Variants in SLC24A2 observed in about 807,000 individuals in gnomAD.
SLC24A2 encodes sodium/potassium/calcium exchanger 2.
SLC24A2 carries 36 observed loss-of-function variants against 62.0 expected under a neutral mutation model. The observed-to-expected ratio is 0.58, with a 90% confidence interval of 0.44 to 0.77. The LOEUF (loss-of-function observed/expected upper bound fraction) is 0.77, where lower values mean the gene tolerates loss of function less well. Among genes scored for constraint, SLC24A2 ranks in the 30% least tolerant of loss-of-function variants. The pLI, the probability that SLC24A2 is intolerant of heterozygous loss-of-function variation, is 0.00. For synonymous variants in SLC24A2, 358 were observed against 294.0 expected (o/e 1.22, Z -2.23); for missense variants, 846 against 817.9 (o/e 1.03, Z -0.42).
the SLC24A2 span, among the ~76,000 whole-genome samples, chr9:19,835,615 A>T: frequency 8.0e-3 from 1,220 of 152,304 alleles, 20 homozygotes; most frequent in African/African-American, 0.028. Flanking sequence ...AGACTCCCAT[A>T]CAATAATAAT....
the SLC24A2 span, among the ~76,000 whole-genome samples, chr9:19,801,480 G>C: frequency 6.6e-6 from 1 of 152,188 alleles, no homozygotes; most frequent in South Asian, 2.1e-4. Flanking sequence ...AACAAACACG[G>C]ACCAGAAGAG....
intron 2 of SLC24A2, among the ~76,000 whole-genome samples, chr9:19,624,887 T>C (rs1817995461): frequency 6.6e-6 from 1 of 152,192 alleles, no homozygotes; most frequent in Admixed American, 6.5e-5. Context: ...CTTGCTCTAA[T>C]TGCATCCTGA....
At chr9:19,980,530 G>C in the SLC24A2 span, among the ~76,000 whole-genome samples, 1 of 152,116 alleles carries the variant, frequency 6.6e-6, no homozygotes, top group Non-Finnish European at 1.5e-5. Context: ...TGGACACTCA[G>C]AAATGGCTTA....
intron 2 of SLC24A2, among the ~76,000 whole-genome samples, chr9:19,719,627 T>G (rs866129443): frequency 2.6e-5 from 4 of 152,178 alleles, no homozygotes; most frequent in Admixed American, 2.6e-4. Context: ...TGGGTTGCAC[T>G]TAGGAATTTA....
intron 2 of SLC24A2, among the ~76,000 whole-genome samples, chr9:19,783,783 A>AT (rs1823083088): frequency 6.6e-6 from 1 of 152,168 alleles, no homozygotes; most frequent in Non-Finnish European, 1.5e-5. Context: ...GTGCTCTGGC[A>AT]TTTTTTTGAG....
At chr9:20,012,922 T>C in the SLC24A2 span, among the ~76,000 whole-genome samples, 6 of 151,666 alleles carry the variant, frequency 4.0e-5, no homozygotes, top group East Asian at 9.7e-4. Context: ...AATAAATGGA[T>C]AGATATCCCA....
chr9:20,272,118 C>A, the SLC24A2 span, among the ~76,000 whole-genome samples: 5 of 152,320 alleles, frequency 3.3e-5, no homozygotes, highest in East Asian at 7.7e-4. Flanking sequence ...GCCAATTATA[C>A]ACCTTTGAGA....
the SLC24A2 span, among the ~76,000 whole-genome samples, chr9:20,032,949 T>A: frequency 6.6e-6 from 1 of 152,228 alleles, no homozygotes; most frequent in South Asian, 2.1e-4. Context: ...TTTCCCTTTT[T>A]ACAGCTGGTA....
chr9:20,276,795 G>A, the SLC24A2 span, among the ~76,000 whole-genome samples: 1 of 152,198 alleles, frequency 6.6e-6, no homozygotes, highest in Admixed American at 6.5e-5. Flanking sequence ...ATACCTGTGG[G>A]CCCAACACCA....
chr9:19,729,760 T>C (rs1415742883), intron 2 of SLC24A2, among the ~76,000 whole-genome samples: 2 of 152,062 alleles, frequency 1.3e-5, no homozygotes, highest in Non-Finnish European at 2.9e-5. Context: ...TTAAAGGATA[T>C]AAAATTAGAG....
chr9:19,755,315 T>C (rs997369275), intron 2 of SLC24A2, among the ~76,000 whole-genome samples: 2 of 152,216 alleles, frequency 1.3e-5, no homozygotes, highest in African/African-American at 4.8e-5. Flanking sequence ...TGTACACTTC[T>C]ATTATTGCAG....
the SLC24A2 span, among the ~76,000 whole-genome samples, chr9:19,849,052 G>T: frequency 6.6e-6 from 1 of 152,332 alleles, no homozygotes; most frequent in African/African-American, 2.4e-5. Context: ...CCCCAGGGAA[G>T]TGGCACAAGC....
At chr9:19,551,988 G>T (rs1834869291) in intron 7 of SLC24A2, among the ~76,000 whole-genome samples, 1 of 152,184 alleles carries the variant, frequency 6.6e-6, no homozygotes, top group African/African-American at 2.4e-5. Context: ...AAAAGAATTT[G>T]TAAACAGCAA....
the SLC24A2 span, among the ~76,000 whole-genome samples, chr9:19,825,251 A>G: frequency 6.6e-6 from 1 of 152,160 alleles, no homozygotes; most frequent in African/African-American, 2.4e-5. Context: ...CATTGTCTCA[A>G]TTATATCTTT....
In SLC24A2 at chr9:19,512,232, G is replaced by A. The variant is rs1021487289; in HGVS notation, c.*3921C>T. 2 of 152,190 alleles carry A rather than the reference G, an allele frequency of 1.3e-5. No homozygotes were observed. Among genetic ancestry groups the A allele is most frequent in the Admixed American group, 1.3e-4 (2 of 15,276 alleles). The allele number at this position is 152,190 out of a possible 1,614,324, so 9.4% of individuals were successfully genotyped here. On this transcript the variant is annotated 3_prime_UTR_variant, in exon 11 of 11. Transcript: ENST00000341998. The stretch of plus-strand genomic sequence containing the variant: ...AATGTCTAATCAGCGAGGCAGCTGC[G>A]TTTTGCTGAAAGGGCTCCAAACCAC...
At chr9:19,822,131 T>C in the SLC24A2 span, among the ~76,000 whole-genome samples, 1 of 152,148 alleles carries the variant, frequency 6.6e-6, no homozygotes, top group Non-Finnish European at 1.5e-5. Context: ...TTGCATCTAT[T>C]GATTGAAGAA....
At chr9:19,523,471 T>C (rs1347567684) in intron 9 of SLC24A2, among the ~76,000 whole-genome samples, 1 of 152,134 alleles carries the variant, frequency 6.6e-6, no homozygotes. Context: ...TAACTTAATA[T>C]GTTTTTTTTG....
chr9:19,624,340 G>C lies in SLC24A2; in HGVS notation c.931-2041C>G, dbSNP rs551176094. 3.1e-4 allele frequency among the ~76,000 whole-genome samples: 47 copies of C among 152,204 alleles called. 1 individual carries two copies. The highest frequency in any genetic ancestry group is 5.7e-4 in the Non-Finnish European group (39 of 68,016). On this transcript the variant is annotated intron_variant, in intron 2 of 10. Transcript: ENST00000341998. ...AACATGAAGGAACAGGATGAAAGCAGGGAGAGAAAAAGGTGGGCTTTATAA... is the reference window on the plus strand; with the variant it reads ...AACATGAAGGAACAGGATGAAAGCACGGAGAGAAAAAGGTGGGCTTTATAA...
At chr9:20,242,047 C>G in the SLC24A2 span, among the ~76,000 whole-genome samples, 2 of 152,208 alleles carry the variant, frequency 1.3e-5, no homozygotes, top group African/African-American at 4.8e-5. Flanking sequence ...TGATCATCCT[C>G]TCCACCATGC....
Sources: gnomAD v4.1 joint callset for allele counts (sites outside exome capture counted in the v4.1 genomes callset) on GRCh38, gnomAD v4.1.1 for gene constraint, MANE v1.5 for transcripts, NCBI Gene and HGNC (gene_info 2026-07-23, HGNC 2026-07-21) for gene names.